Variants in SLC37A3 observed in about 807,000 individuals in gnomAD.
SLC37A3 encodes the protein solute carrier family 37 member 3, also known as sugar phosphate exchanger 3.
A neutral mutation model predicts 67.1 loss-of-function variants in SLC37A3; 51 were observed. That is an observed-to-expected ratio of 0.76 (90% CI 0.61 to 0.96). SLC37A3 has a LOEUF of 0.96. Among genes scored for constraint, SLC37A3 ranks in the 40% least tolerant of loss-of-function variants. The pLI is 0.00. For synonymous variants in SLC37A3, 214 were observed against 231.4 expected (o/e 0.92, Z 0.68); for missense variants, 508 against 603.0 (o/e 0.84, Z 1.65).
chr7:140,397,643 T>C (rs192429261), intron 1 of SLC37A3, among the ~76,000 whole-genome samples: 4 of 152,276 alleles, frequency 2.6e-5, no homozygotes, highest in Admixed American at 6.5e-5. Context: ...ACAACTGTTA[T>C]ATATATTTAT....
chr7:140,393,581 G>A (rs1798805255), intron 1 of SLC37A3, among the ~76,000 whole-genome samples: 1 of 152,130 alleles, frequency 6.6e-6, no homozygotes, highest in Admixed American at 6.6e-5. Flanking sequence ...CGAGAGGAGT[G>A]TTTTTGTCCT....
At position 140,373,723 on chromosome 7, in the gene SLC37A3, G is replaced by A. The variant is rs1212279823; in HGVS notation, c.199-4041C>T. On this transcript the variant is annotated intron_variant, in intron 3 of 14. Transcript: ENST00000326232. ...GGGGTCTCATTATGTCACCCAGGCTGCTCTTGAACTCCTGGGCTCAAGCGA... is the reference window on the plus strand; with the variant it reads ...GGGGTCTCATTATGTCACCCAGGCTACTCTTGAACTCCTGGGCTCAAGCGA... Among the ~76,000 whole-genome samples the A allele has an allele frequency of 3.5e-5, 5 of 142,438 alleles. No individual in the cohort carries two copies. In the South Asian group the frequency reaches 8.9e-4, roughly 25 times the overall value. 93.4% of individuals were successfully genotyped at this position (142,438 alleles called of 152,430 possible).
chr7:140,376,368 C>T (rs1017789754), intron 3 of SLC37A3, among the ~76,000 whole-genome samples: 1 of 152,158 alleles, frequency 6.6e-6, no homozygotes, highest in Non-Finnish European at 1.5e-5. Flanking sequence ...GTGAACCATC[C>T]CATGTTTAAT....
At position 140,382,570 on chromosome 7, in the gene SLC37A3, AT is replaced by A; in HGVS notation, c.-45del. On this transcript the variant is annotated 5_prime_UTR_variant, in exon 2 of 15. Coordinates refer to ENST00000326232, the MANE Select transcript of SLC37A3 (RefSeq NM_207113.3). ...TCTCACCTTTGACCTTAAGGTTTGG[AT>A]GAGTGATTTACATCATTTCTTCCTT... The A allele has an allele frequency of 6.5e-7, 1 of 1,532,100 alleles. No individual in the cohort carries two copies. Among genetic ancestry groups the A allele is most frequent in the Non-Finnish European group, 9.0e-7 (1 of 1,107,708 alleles). 94.9% of individuals were successfully genotyped at this position (1,532,100 alleles called of 1,614,324 possible). A position where few individuals can be genotyped will look rare whatever the true frequency, so the allele number is the denominator to read the frequency against.
rs764308672 is a variant in SLC37A3, at chr7:140,345,283, CA to C, written c.1127-21del. ...GAGAACCTGTGAGGGAAGACACAGACAAACCATGGTGGCTTGAAAAGCAGAC... is the reference window on the plus strand; with the variant it reads ...GAGAACCTGTGAGGGAAGACACAGACAACCATGGTGGCTTGAAAAGCAGAC... On this transcript the variant is annotated intron_variant, in intron 11 of 14. Transcript: ENST00000326232. 1 of 1,612,110 alleles carries C rather than the reference CA, an allele frequency of 6.2e-7. No homozygotes were observed. Among genetic ancestry groups the C allele is most frequent in the Non-Finnish European group, 8.5e-7 (1 of 1,178,274 alleles).
At chr7:140,379,708 C>T (rs1798172259) in intron 3 of SLC37A3, among the ~76,000 whole-genome samples, 2 of 148,880 alleles carry the variant, frequency 1.3e-5, no homozygotes, top group African/African-American at 5.0e-5. Flanking sequence ...GCCTGGGCAA[C>T]GTGGTGAAAC....
intron 6 of SLC37A3, among the ~76,000 whole-genome samples, chr7:140,357,164 A>G (rs1208885551): frequency 6.6e-6 from 1 of 152,128 alleles, no homozygotes; most frequent in Non-Finnish European, 1.5e-5. Flanking sequence ...AGGTGAGCCG[A>G]GATCACGCCA....
At chr7:140,396,137 A>G (rs1239697210) in intron 1 of SLC37A3, among the ~76,000 whole-genome samples, 1 of 151,910 alleles carries the variant, frequency 6.6e-6, no homozygotes, top group Non-Finnish European at 1.5e-5. Flanking sequence ...CTCCTGCCTC[A>G]GCCTCCAAAG....
intron 1 of SLC37A3, among the ~76,000 whole-genome samples, chr7:140,391,733 C>A (rs950821453): frequency 1.3e-5 from 2 of 152,142 alleles, no homozygotes; most frequent in Admixed American, 6.6e-5. Flanking sequence ...ACATATACCC[C>A]TCCTGAGCAA....
Position 140,343,641 on chromosome 7 carries a change from C to T in SLC37A3, c.1175-78G>A, listed in dbSNP as rs151181467. 1.9e-4 allele frequency: 271 copies of T among 1,439,764 alleles called. 1 individual carries two copies. In the African/African-American group the frequency reaches 3.1e-3, roughly 17 times the overall value. The allele number at this position is 1,439,764 out of a possible 1,614,324, so 89.2% of individuals were successfully genotyped here. A position where few individuals can be genotyped will look rare whatever the true frequency, so the allele number is the denominator to read the frequency against. Reference sequence around the variant, plus strand: ...CTACTGCATAAGGCAAAATAATATCCGAATAGTTTTCTTAATATGTTGGAG... The same window carrying T: ...CTACTGCATAAGGCAAAATAATATCTGAATAGTTTTCTTAATATGTTGGAG... On this transcript the variant is annotated intron_variant, in intron 12 of 14. Transcript: ENST00000326232.
chr7:140,385,483 C>T (rs1415224245), intron 1 of SLC37A3, among the ~76,000 whole-genome samples: 1 of 152,146 alleles, frequency 6.6e-6, no homozygotes, highest in Admixed American at 6.6e-5. Flanking sequence ...CACCTTCCCA[C>T]CTCAAAACAC....
intron 6 of SLC37A3, among the ~76,000 whole-genome samples, chr7:140,357,008 T>A (rs1797056203): frequency 6.7e-6 from 1 of 150,208 alleles, no homozygotes; most frequent in Non-Finnish European, 1.5e-5. Context: ...AGGTCAGGAG[T>A]TCAAGACCAG....
At chr7:140,337,493 C>T in intron 13 of SLC37A3, 144 bp from the exon 14 acceptor site, 2 of 588,448 alleles carry the variant, frequency 3.4e-6, no homozygotes. Flanking sequence ...AGCTCTTCCA[C>T]ATACATGTGC....
intron 7 of SLC37A3, among the ~76,000 whole-genome samples, chr7:140,352,622 A>G (rs1414891334): frequency 6.6e-6 from 1 of 152,194 alleles, no homozygotes; most frequent in Non-Finnish European, 1.5e-5. Flanking sequence ...AGAGCTGAAG[A>G]GGTTGAAGCA....
intron 6 of SLC37A3, among the ~76,000 whole-genome samples, chr7:140,356,726 G>A (rs904633135): frequency 2.0e-5 from 3 of 152,036 alleles, no homozygotes; most frequent in Non-Finnish European, 4.4e-5. Flanking sequence ...GATGCTCAAC[G>A]TCATTAGATA....
rs758324107 is a variant in SLC37A3 at position 140,337,361 on chromosome 7, G to C, written c.1327-12C>G. ...AGAGACACTAAATACTGAAAGGGAG[G>C]AAAAAAAAATTACAATATAATTCTT... is the stretch of plus-strand genomic sequence containing the variant. On this transcript the variant is annotated splice_polypyrimidine_tract_variant and intron_variant, in intron 13 of 14. Transcript: ENST00000326232. 13 of 1,545,712 alleles carry C rather than the reference G, an allele frequency of 8.4e-6. No individual in the cohort carries two copies. In the African/African-American group the frequency reaches 1.7e-4, roughly 20 times the overall value.
intron 1 of SLC37A3, among the ~76,000 whole-genome samples, chr7:140,394,686 G>T (rs1416857676): frequency 6.7e-6 from 1 of 150,076 alleles, no homozygotes; most frequent in African/African-American, 2.4e-5. Flanking sequence ...TTGGCTTACT[G>T]CAACCTCCGC....
intron 8 of SLC37A3, 179 bp downstream of exon 8, chr7:140,351,883 C>T: frequency 1.4e-6 from 1 of 720,238 alleles, no homozygotes. Context: ...ACACGTCCAG[C>T]TGTGCCAGGG....
chr7:140,392,714 G>T (rs923290943), intron 1 of SLC37A3, among the ~76,000 whole-genome samples: 1 of 152,152 alleles, frequency 6.6e-6, no homozygotes, highest in South Asian at 2.1e-4. Flanking sequence ...GGAGGAGCCT[G>T]CCTGAGCCAA....
Sources: allele counts gnomAD v4.1 joint callset (sites outside exome capture counted in the v4.1 genomes callset), GRCh38; gene constraint gnomAD v4.1.1; transcripts MANE v1.5; gene names NCBI Gene and HGNC (gene_info 2026-07-23, HGNC 2026-07-21).